The following SERPINF2 variants were observed in gnomAD, a reference collection of about 807,000 sequenced individuals.
SERPINF2 encodes the protein serpin family F member 2.
SERPINF2 carries 15 observed loss-of-function variants against 45.0 expected under a neutral mutation model. The observed-to-expected ratio is 0.33, with a 90% CI of 0.22 to 0.51. SERPINF2 has a LOEUF of 0.51. SERPINF2 is among the 20% of genes least tolerant of loss of function. The pLI, the probability that SERPINF2 is intolerant of heterozygous loss-of-function variation, is 0.97. For missense variants in SERPINF2, 518 were observed against 637.4 expected (o/e 0.81, Z 2.02); for synonymous variants, 283 against 277.9 (o/e 1.02, Z -0.18).
intron 8 of SERPINF2, among the ~76,000 whole-genome samples, chr17:1,750,454 G>T (rs1319848463): frequency 6.6e-6 from 1 of 150,820 alleles, no homozygotes; most frequent in African/African-American, 2.4e-5. Flanking sequence ...GCCAATTTTT[G>T]TATTTTTTTT....
intron 1 of SERPINF2, among the ~76,000 whole-genome samples, chr17:1,744,081 G>C (rs1905565039): frequency 6.6e-6 from 1 of 151,686 alleles, no homozygotes; most frequent in East Asian, 2.0e-4. Flanking sequence ...TTTCAGTAGA[G>C]ATGGGGTTTT....
chr17:1,751,891 A>G (rs1260787966), intron 8 of SERPINF2, among the ~76,000 whole-genome samples: 1 of 139,250 alleles, frequency 7.2e-6, no homozygotes, highest in Non-Finnish European at 1.6e-5. Context: ...CAGCTGTGGT[A>G]TGACAGCCAG....
At position 1,745,452 on chromosome 17, in the gene SERPINF2, C is replaced by A; in HGVS notation, c.165+57C>A. ...CGGGGCTAGAGGGAGGAGGGCCCATCGGCAGGGGTCGGGGGGTGGGGGCGC... is the reference window on the plus strand; with the variant it reads ...CGGGGCTAGAGGGAGGAGGGCCCATAGGCAGGGGTCGGGGGGTGGGGGCGC... On this transcript the variant is annotated intron_variant, in intron 4 of 9. Transcript: ENST00000453066. The surrounding 1 kb of genome is among the most constrained non-coding windows in gnomAD (Gnocchi z 6.2). The A allele has an allele frequency of 1.1e-5, 2 of 179,928 alleles. No homozygotes were observed. The highest frequency in any genetic ancestry group is 1.0e-5 in the Non-Finnish European group (1 of 97,034). The allele number at this position is 179,928 out of a possible 1,614,324, so 11.1% of individuals were successfully genotyped here. A position where few individuals can be genotyped will look rare whatever the true frequency, so the allele number is the denominator to read the frequency against.
intron 6 of SERPINF2, 59 bp downstream of exon 6, chr17:1,747,221 C>G (rs1905917219): frequency 6.2e-7 from 1 of 1,610,336 alleles, no homozygotes; most frequent in Non-Finnish European, 8.5e-7. Context: ...AGGGTGAGAG[C>G]AAGGGGCTGG....
chr17:1,743,898 G>A (rs1274448900), intron 1 of SERPINF2, among the ~76,000 whole-genome samples: 1 of 151,024 alleles, frequency 6.6e-6, no homozygotes, highest in Non-Finnish European at 1.5e-5. Flanking sequence ...TACAAAGATG[G>A]TCTTATTTAT....
chr17:1,751,650 A>T lies in SERPINF2; in HGVS notation c.859-936A>T, dbSNP rs976028211. ...GCACCTGTAATCCCAGCTACTCGGG[A>T]GGCTGAGGCAGAAGAATGGCGTGAA... On this transcript the variant is annotated intron_variant, in intron 8 of 9. Coordinates refer to ENST00000453066, the MANE Select transcript of SERPINF2 (RefSeq NM_000934.4). Among the ~76,000 whole-genome samples the T allele has an allele frequency of 4.4e-5, 6 of 137,278 alleles. 2 individuals are homozygous for T. Among genetic ancestry groups the T allele is most frequent in the Non-Finnish European group, 9.9e-5 (6 of 60,624 alleles). The allele number at this position is 137,278 out of a possible 152,430, so 90.1% of individuals were successfully genotyped here.
rs1224388142 is a variant in SERPINF2 at position 1,745,035 on chromosome 17, T to C, written c.40T>C (p.Cys14Arg). The C allele has an allele frequency of 6.2e-7, 1 of 1,613,026 alleles. No individual in the cohort carries two copies. Among genetic ancestry groups the C allele is most frequent in the Non-Finnish European group, 8.5e-7 (1 of 1,179,910 alleles). ...GGGGCTCCTGGTGCTCAGCTGGTCC[T>C]GCCTGCAAGGCCCCTGCTCCGTGGT... ...LWGLLVLSWSCLQGPCSVFSP... is the reference protein window; with the variant it reads ...LWGLLVLSWSRLQGPCSVFSP... Residue 14 changes from cysteine to arginine, a missense_variant, in exon 2 of 10, where the codon TGC becomes CGC. Cys to Arg is a radical substitution (Grantham distance 180). Coordinates refer to ENST00000453066, the MANE Select transcript of SERPINF2 (RefSeq NM_000934.4). The surrounding 1 kb of genome is among the most constrained non-coding windows in gnomAD (Gnocchi z 6.2).
intron 7 of SERPINF2, 96 bp downstream of exon 7, chr17:1,747,608 A>G (rs898312344): frequency 5.8e-6 from 8 of 1,374,218 alleles, no homozygotes; most frequent in African/African-American, 1.4e-5. Flanking sequence ...TCTGTCACCC[A>G]GGGTGGAGCG....
intron 5 of SERPINF2, among the ~76,000 whole-genome samples, chr17:1,746,316 CA>C (rs1285985370): frequency 2.6e-5 from 4 of 151,954 alleles, no homozygotes; most frequent in Admixed American, 6.6e-5. Context: ...GATTCCGTCT[CA>C]AACAACAACA....
rs2151187687 is a variant in SERPINF2, at chr17:1,745,028, C to T, written c.33C>T (p.Ser11=). MALLWGLLVL[S]WSCLQGPCSV... ...TGCTCTGGGGGCTCCTGGTGCTCAG[C>T]TGGTCCTGCCTGCAAGGCCCCTGCT... The change falls in exon 2 of 10, where the codon AGC becomes AGT. Residue 11 remains serine (S), a synonymous_variant. Transcript: ENST00000453066. The surrounding 1 kb of genome is among the most constrained non-coding windows in gnomAD (Gnocchi z 6.2). 3 of 1,613,568 alleles carry T rather than the reference C, an allele frequency of 1.9e-6. No homozygotes were observed. The highest frequency in any genetic ancestry group is 2.5e-6 in the Non-Finnish European group (3 of 1,179,998).
In SERPINF2 at chr17:1,745,790, C is replaced by T; in HGVS notation, c.248C>T (p.Ala83Val). 2 of 1,614,016 alleles carry T rather than the reference C, an allele frequency of 1.2e-6. No homozygotes were observed. The highest frequency in any genetic ancestry group is 1.1e-5 in the South Asian group (1 of 91,088). ...DPTPEQTHRL[A>V]RAMMAFTADL... ...ACCCCAGAGCAGACCCACAGGCTGG[C>T]CCGGGCCATGATGGCCTTCACTGCC... is the stretch of plus-strand genomic sequence containing the variant. The change falls in exon 5 of 10, where the codon GCC becomes GTC. Residue 83 changes from alanine to valine, a missense_variant. By Grantham distance (64) the Ala-to-Val change is moderately conservative (BLOSUM62 0). Coordinates refer to ENST00000453066, the MANE Select transcript of SERPINF2 (RefSeq NM_000934.4). This position sits in a 1 kb window ranked among gnomAD's most constrained non-coding sequence, Gnocchi z 6.2.
At chr17:1,743,035 A>G in intron 1 of SERPINF2, 127 bp downstream of exon 1, 1 of 985,436 alleles carries the variant, frequency 1.0e-6, no homozygotes, top group Non-Finnish European at 1.2e-6. Context: ...TGGGACTTGA[A>G]AAACTGGAGC....
chr17:1,744,721 C>T lies in SERPINF2; in HGVS notation c.-4-271C>T, dbSNP rs565518705. 6.1e-5 allele frequency: 60 copies of T among 985,394 alleles called. No homozygotes were observed. The Admixed American group carries it at 1.7e-3, about 27-fold the overall frequency. 61.0% of individuals were successfully genotyped at this position (985,394 alleles called of 1,614,324 possible). A position where few individuals can be genotyped will look rare whatever the true frequency, so the allele number is the denominator to read the frequency against. ...GAGAACGTTTTTGATTTGGTATCTCCCTCCTATTCACCAAAACACCCTCAG... is the reference window on the plus strand; with the variant it reads ...GAGAACGTTTTTGATTTGGTATCTCTCTCCTATTCACCAAAACACCCTCAG... On this transcript the variant is annotated intron_variant, in intron 1 of 9. Transcript: ENST00000453066.
rs139270920 is a variant in SERPINF2 at position 1,750,148 on chromosome 17, C to T, written c.858+1408C>T. Reference sequence around the variant, plus strand: ...ACCACCACGCCTGGCTAATTTTGTTCGTTTGTTTGTTTGTTTTTGAGACGG... The same window carrying T: ...ACCACCACGCCTGGCTAATTTTGTTTGTTTGTTTGTTTGTTTTTGAGACGG... On this transcript the variant is annotated intron_variant, in intron 8 of 9. Transcript: ENST00000453066. 1.8e-3 allele frequency among the ~76,000 whole-genome samples: 271 copies of T among 151,402 alleles called. 1 individual carries two copies. Among genetic ancestry groups the T allele is most frequent in the Non-Finnish European group, 2.5e-3 (170 of 67,780 alleles).
rs182935507 is a variant in SERPINF2, at chr17:1,753,520, C to T, written c.1064-602C>T. On this transcript the variant is annotated intron_variant, in intron 9 of 9. Transcript: ENST00000453066. The stretch of plus-strand genomic sequence containing the variant: ...TGGCCAACATGGCCAAACCCGTCTC[C>T]ACTAAAAATACAAAAATTAGCCGGG... Among the ~76,000 whole-genome samples the T allele has an allele frequency of 2.6e-3, 393 of 152,222 alleles. 2 individuals are homozygous for T. The highest frequency in any genetic ancestry group is 5.4e-3 in the South Asian group (26 of 4,826).
At chr17:1,748,875 C>T in intron 8 of SERPINF2, 135 bp downstream of exon 8, 1 of 736,726 alleles carries the variant, frequency 1.4e-6, no homozygotes, top group East Asian at 2.5e-5. Flanking sequence ...AGGCAGGCAA[C>T]TGCAAAAGGT....
chr17:1,742,918 G>T lies in SERPINF2; in HGVS notation c.-5+10G>T. ...CAAGGAGCCCGCAGAGGTATGAGGG[G>T]AGGGGCTGCTCGGCCTGCTCCTTGG... On this transcript the variant is annotated intron_variant, in intron 1 of 9. Coordinates refer to ENST00000453066, the MANE Select transcript of SERPINF2 (RefSeq NM_000934.4). 1.0e-6 allele frequency: 1 copy of T among 985,496 alleles called. No homozygotes were observed. The highest frequency in any genetic ancestry group is 1.2e-6 in the Non-Finnish European group (1 of 830,052). 61.0% of individuals were successfully genotyped at this position (985,496 alleles called of 1,614,324 possible).
rs756610398 is a variant in SERPINF2 at position 1,745,409 on chromosome 17, G to T, written c.165+14G>T. ...TTGGGCAACCAGGTACAACCAGGTG[G>T]GGCTGGGGAAGAGTGGGCGGGGCTA... On this transcript the variant is annotated intron_variant, in intron 4 of 9. Coordinates refer to ENST00000453066, the MANE Select transcript of SERPINF2 (RefSeq NM_000934.4). The surrounding 1 kb of genome is among the most constrained non-coding windows in gnomAD (Gnocchi z 6.2). 5.6e-6 allele frequency: 9 copies of T among 1,612,266 alleles called. No homozygotes were observed. The highest frequency in any genetic ancestry group is 2.5e-6 in the Non-Finnish European group (3 of 1,179,800).
Position 1,745,534 on chromosome 17 carries a change from A to C in SERPINF2, c.165+139A>C. 1 of 1,225,586 alleles carries C rather than the reference A, an allele frequency of 8.2e-7. No homozygotes were observed. Among genetic ancestry groups the C allele is most frequent in the South Asian group, 1.3e-5 (1 of 78,390 alleles). The allele number at this position is 1,225,586 out of a possible 1,614,324, so 75.9% of individuals were successfully genotyped here. A position where few individuals can be genotyped will look rare whatever the true frequency, so the allele number is the denominator to read the frequency against. ...CCAGAAGGGAGAGAGGGTGGGGAGGACCGAAGGTGGGCGCCAGGCCCCAGA... is the reference window on the plus strand; with the variant it reads ...CCAGAAGGGAGAGAGGGTGGGGAGGCCCGAAGGTGGGCGCCAGGCCCCAGA... On this transcript the variant is annotated intron_variant, in intron 4 of 9. Coordinates refer to ENST00000453066, the MANE Select transcript of SERPINF2 (RefSeq NM_000934.4). The surrounding 1 kb of genome is among the most constrained non-coding windows in gnomAD (Gnocchi z 6.2).
Sources: allele counts gnomAD v4.1 joint callset (sites outside exome capture counted in the v4.1 genomes callset), GRCh38; gene constraint gnomAD v4.1.1; non-coding constraint Gnocchi (gnomAD v3.1); transcripts MANE v1.5; gene names NCBI Gene and HGNC (gene_info 2026-07-23, HGNC 2026-07-21).